SLC12A2: variants seen among roughly 807,000 people sequenced by gnomAD.
SLC12A2 encodes the protein Na-K-2Cl cotransporter 1.
In SLC12A2, 67 loss-of-function variants were observed where a neutral mutation model predicts 136.3. The observed-to-expected ratio is 0.49, with a 90% CI of 0.40 to 0.60. The LOEUF is 0.60. Among genes scored for constraint, SLC12A2 ranks in the 20% least tolerant of loss-of-function variants. The probability of loss-of-function intolerance (pLI) is 0.00; values close to 1 mark genes in which losing one functional copy is unlikely to be tolerated. For missense variants in SLC12A2, 1,322 were observed against 1,534.7 expected (o/e 0.86, Z 2.32); for synonymous variants, 619 against 562.9 (o/e 1.10, Z -1.41).
intron 1 of SLC12A2, among the ~76,000 whole-genome samples, chr5:128,099,106 C>T (rs1274908849): frequency 5.3e-5 from 8 of 152,050 alleles, no homozygotes; most frequent in Non-Finnish European, 8.8e-5. Flanking sequence ...CACATACAGT[C>T]GTATGTTGCT....
At chr5:128,144,057 A>G (rs1455419018) in intron 10 of SLC12A2, among the ~76,000 whole-genome samples, 1 of 152,050 alleles carries the variant, frequency 6.6e-6, no homozygotes, top group Non-Finnish European at 1.5e-5. Flanking sequence ...GAATGAAAGA[A>G]AGTATTCATG....
chr5:128,091,911 TG>T (rs2126641140), intron 1 of SLC12A2, among the ~76,000 whole-genome samples: 1 of 152,372 alleles, frequency 6.6e-6, no homozygotes, highest in South Asian at 2.1e-4. Context: ...TTCAGAATTC[TG>T]GAAACCTGTG....
In SLC12A2 at chr5:128,180,966, A is replaced by T; in HGVS notation, c.3184A>T (p.Ile1062Leu). Residue 1062 changes from isoleucine to leucine, a missense_variant, in exon 23 of 27, where the codon ATA (isoleucine) becomes TTA (leucine). Ile to Leu is a conservative substitution (Grantham distance 5). Coordinates refer to ENST00000262461, the MANE Select transcript of SLC12A2 (RefSeq NM_001046.3). Reference protein sequence around the residue: ...CKIRVFIGGKINRIDHDRRAM... With the variant: ...CKIRVFIGGKLNRIDHDRRAM... ...GATCAGAGTATTCATTGGTGGAAAG[A>T]TAAACAGAATAGACCATGACCGGAG... 1 of 1,609,342 alleles carries T rather than the reference A, an allele frequency of 6.2e-7. No individual in the cohort carries two copies. The highest frequency in any genetic ancestry group is 8.5e-7 in the Non-Finnish European group (1 of 1,175,856).
At chr5:128,113,826 TGAG>T (rs1422341553) in intron 2 of SLC12A2, among the ~76,000 whole-genome samples, 1 of 152,156 alleles carries the variant, frequency 6.6e-6, no homozygotes, top group African/African-American at 2.4e-5. Context: ...AATCATGAAA[TGAG>T]GATGTTATAA....
intron 24 of SLC12A2, 48 bp downstream of exon 24, chr5:128,182,989 G>T (rs1687024160): frequency 3.6e-6 from 4 of 1,118,996 alleles, no homozygotes; most frequent in Non-Finnish European, 3.9e-6. Flanking sequence ...GGCCTACTCA[G>T]ACACAGATTC....
Position 128,184,833 on chromosome 5 carries a change from A to G in SLC12A2, c.3480A>G (p.Ser1160=). ...IRLNELLKEH[S]STANIIVMSL... is the part of the protein sequence containing the mutation. ...TAAATGAGTTATTAAAGGAACATTCAAGCACAGCTAATATTATTGTCATGT... is the reference window on the plus strand; with the variant it reads ...TAAATGAGTTATTAAAGGAACATTCGAGCACAGCTAATATTATTGTCATGT... The change falls in exon 26 of 27, where the codon TCA becomes TCG. Residue 1160 remains serine, a synonymous_variant. Coordinates refer to ENST00000262461, the MANE Select transcript of SLC12A2 (RefSeq NM_001046.3). The G allele has an allele frequency of 6.2e-7, 1 of 1,604,726 alleles. No individual in the cohort carries two copies. The highest frequency in any genetic ancestry group is 1.1e-5 in the South Asian group (1 of 90,844).
intron 19 of SLC12A2, 80 bp from the exon 20 acceptor site, chr5:128,174,461 T>TTTAA: frequency 9.5e-7 from 1 of 1,056,944 alleles, no homozygotes; most frequent in South Asian, 1.6e-5. Context: ...TTCATAATAG[T>TTTAA]TTAATTACTA....
At chr5:128,107,718 C>T (rs1223217217) in intron 1 of SLC12A2, among the ~76,000 whole-genome samples, 1 of 152,108 alleles carries the variant, frequency 6.6e-6, no homozygotes, top group Non-Finnish European at 1.5e-5. Context: ...GGATCCAAGA[C>T]TTTGCTGTTG....
intron 1 of SLC12A2, chr5:128,110,891 T>G (rs1761118348): frequency 7.8e-6 from 9 of 1,157,350 alleles, no homozygotes; most frequent in Non-Finnish European, 1.2e-5. Flanking sequence ...AATTTACAAG[T>G]GAGTGGGCCG....
intron 7 of SLC12A2, among the ~76,000 whole-genome samples, chr5:128,137,122 A>G (rs1762213487): frequency 6.6e-6 from 1 of 152,178 alleles, no homozygotes; most frequent in Non-Finnish European, 1.5e-5. Flanking sequence ...ACACAACATT[A>G]ATAGTATATG....
rs747967143 is a variant in SLC12A2, at chr5:128,186,724, G to A, written c.*93G>A. The A allele has an allele frequency of 1.7e-4, 216 of 1,278,948 alleles. No individual in the cohort carries two copies. Among genetic ancestry groups the A allele is most frequent in the East Asian group, 2.3e-4 (10 of 42,868 alleles). 79.2% of individuals were successfully genotyped at this position (1,278,948 alleles called of 1,614,324 possible). ...AATGACACATTAACATCACAATGGC[G>A]AATGGTGACTTTTCTTTCACGATTT... On this transcript the variant is annotated 3_prime_UTR_variant, in exon 27 of 27. Transcript: ENST00000262461.
At chr5:128,105,719 C>G (rs1489753282) in intron 1 of SLC12A2, among the ~76,000 whole-genome samples, 1 of 152,052 alleles carries the variant, frequency 6.6e-6, no homozygotes, top group Non-Finnish European at 1.5e-5. Context: ...AAAAATTATC[C>G]TTTTCTCTAC....
intron 17 of SLC12A2, 124 bp downstream of exon 17, chr5:128,161,924 T>C: frequency 1.5e-6 from 1 of 645,212 alleles, no homozygotes; most frequent in Non-Finnish European, 2.3e-6. Context: ...TATGTCTTTA[T>C]TAAAGTAAAC....
At chr5:128,110,625 A>C (rs957406478) in intron 1 of SLC12A2, 4 of 1,068,196 alleles carry the variant, frequency 3.7e-6, no homozygotes, top group Non-Finnish European at 5.9e-6. Flanking sequence ...TGCCATATTT[A>C]CTAGTTAGTG....
At chr5:128,141,781 A>T (rs1561683390) in intron 9 of SLC12A2, 49 bp from the exon 10 acceptor site, 24 of 1,513,624 alleles carry the variant, frequency 1.6e-5, no homozygotes, top group Non-Finnish European at 2.1e-5. Flanking sequence ...AAATTCTGAA[A>T]TGAATGTAGA....
chr5:128,112,427 G>A (rs1278943750), intron 1 of SLC12A2, among the ~76,000 whole-genome samples: 2 of 152,208 alleles, frequency 1.3e-5, no homozygotes, highest in Non-Finnish European at 2.9e-5. Flanking sequence ...TGAAATTTCA[G>A]ATGTAGGACT....
At chr5:128,159,549 A>G (rs1404961560) in intron 16 of SLC12A2, among the ~76,000 whole-genome samples, 1 of 152,316 alleles carries the variant, frequency 6.6e-6, no homozygotes, top group East Asian at 1.9e-4. Context: ...AACTTAAACA[A>G]ATTTACAAGA....
intron 1 of SLC12A2, among the ~76,000 whole-genome samples, chr5:128,087,236 C>T (rs1174145583): frequency 6.6e-6 from 1 of 152,152 alleles, no homozygotes; most frequent in Non-Finnish European, 1.5e-5. Context: ...GGCATGAGTT[C>T]TCCATTTATG....
chr5:128,137,048 C>G (rs1488659498), intron 7 of SLC12A2, among the ~76,000 whole-genome samples: 1 of 152,124 alleles, frequency 6.6e-6, no homozygotes, highest in Non-Finnish European at 1.5e-5. Context: ...TAGATTGAAC[C>G]TCTGCAGCAA....
Sources: gnomAD v4.1 joint callset for allele counts (sites outside exome capture counted in the v4.1 genomes callset) on GRCh38, gnomAD v4.1.1 for gene constraint, MANE v1.5 for transcripts, NCBI Gene and HGNC (gene_info 2026-07-23, HGNC 2026-07-21) for gene names.